Variants in PLCB2 observed in about 807,000 individuals in gnomAD.
PLCB2 encodes 1-phosphatidylinositol 4,5-bisphosphate phosphodiesterase beta-2.
Under a neutral mutation model 141.7 loss-of-function variants are expected in PLCB2, and 115 were observed. That is an observed-to-expected ratio of 0.81 (90% confidence interval 0.70 to 0.95). The LOEUF (loss-of-function observed/expected upper bound fraction) is 0.95. PLCB2 is among the 40% of genes least tolerant of loss of function. PLCB2 has a pLI of 0.00. For synonymous variants in PLCB2, 603 were observed against 595.6 expected, an observed-to-expected ratio of 1.01 and a Z score of -0.18; for missense variants, 1,403 against 1,541.1, an observed-to-expected ratio of 0.91 and a Z score of 1.50.
At position 40,305,217 on chromosome 15, in the gene PLCB2, T is replaced by C. The variant is rs546827130; in HGVS notation, c.85-1139A>G. ...TTTTTACCTTAAGTTCTGGGATACA[T>C]GTGCAGAATGTGTGGGTTTGTTACA... On this transcript the variant is annotated intron_variant, in intron 1 of 31. Transcript: ENST00000260402. Among the ~76,000 whole-genome samples, 3 of 149,280 alleles carry C rather than the reference T, an allele frequency of 2.0e-5. No individual in the cohort carries two copies. The East Asian group carries it at 5.9e-4, about 29-fold the overall frequency.
chr15:40,307,575 C>T lies in PLCB2; in HGVS notation c.84+14G>A, dbSNP rs932228108. 2 of 1,540,288 alleles carry T rather than the reference C, an allele frequency of 1.3e-6. No individual in the cohort carries two copies. Among genetic ancestry groups the T allele is most frequent in the Non-Finnish European group, 1.8e-6 (2 of 1,126,514 alleles). ...ACCTGGTGCTCCAGCAGCTGAGGCC[C>T]CTGCCCCACTTACATCATCCCATTT... On this transcript the variant is annotated intron_variant, in intron 1 of 31. Transcript: ENST00000260402.
chr15:40,286,587 G>A (rs1431489747), downstream of PLCB2, among the ~76,000 whole-genome samples: 1 of 152,168 alleles, frequency 6.6e-6, no homozygotes, highest in Admixed American at 6.5e-5. Flanking sequence ...ACTGAGGCAT[G>A]ATGCGTGAAG....
chr15:40,300,105 A>C lies in PLCB2; in HGVS notation c.583-877T>G, dbSNP rs1277160914. Among the ~76,000 whole-genome samples, 4 of 152,346 alleles carry C rather than the reference A, an allele frequency of 2.6e-5. No individual in the cohort carries two copies. The East Asian group carries it at 7.7e-4, about 29-fold the overall frequency. On this transcript the variant is annotated intron_variant, in intron 7 of 31. Coordinates refer to ENST00000260402, the MANE Select transcript of PLCB2 (RefSeq NM_004573.3). ...CGAGGAGGGTGGATCACCTGAGGTC[A>C]GGAGTTCGAGACCAGCCTGGCCAAC... is the stretch of plus-strand genomic sequence containing the variant.
Position 40,292,335 on chromosome 15 carries a change from C to T in PLCB2, c.2431+4G>A, listed in dbSNP as rs1243378473. 1.3e-6 allele frequency: 2 copies of T among 1,597,682 alleles called. No homozygotes were observed. The highest frequency in any genetic ancestry group is 1.1e-5 in the South Asian group (1 of 90,620). ...GAGGCTCCTGGCATGCCATGGGCTC[C>T]TACCTGCCCAAGCACCAGGTATGTA... is the stretch of plus-strand genomic sequence containing the variant. On this transcript the variant is annotated splice_donor_region_variant and intron_variant, in intron 22 of 31. Coordinates refer to ENST00000260402, the MANE Select transcript of PLCB2 (RefSeq NM_004573.3).
chr15:40,303,772 T>C, intron 2 of PLCB2: 1 of 528,352 alleles, frequency 1.9e-6, no homozygotes, highest in Non-Finnish European at 3.4e-6. Flanking sequence ...TCTCTCTCTC[T>C]CCCCAAGGGA....
intron 4 of PLCB2, 57 bp from the exon 5 acceptor site, chr15:40,302,406 G>A: frequency 1.9e-6 from 3 of 1,612,458 alleles, no homozygotes; most frequent in African/African-American, 1.3e-5. Flanking sequence ...CCAGGCCTGT[G>A]TCTCTCAGGA....
chr15:40,302,299 G>C lies in PLCB2; in HGVS notation c.423C>G (p.Asn141Lys). ...LALVKHPLTA[N>K]ASRSTFLDKI... is the part of the protein sequence containing the mutation. ...TGTCCAGGAAGGTGCTGCGGGAGGC[G>C]TTGGCCGTCAGCGGATGTTTGACTA... is the stretch of plus-strand genomic sequence containing the variant. The change falls in exon 5 of 32, where the codon AAC (asparagine) becomes AAG (lysine). Residue 141 changes from asparagine (N) to lysine (K), a missense_variant. By Grantham distance (94) the Asn-to-Lys change is moderately conservative. Around this residue, in one of 4 missense-constraint regions of PLCB2, gnomAD observed 975 missense variants for 1,141.1 expected, o/e 0.85. Coordinates refer to ENST00000260402, the MANE Select transcript of PLCB2 (RefSeq NM_004573.3). 6.2e-7 allele frequency: 1 copy of C among 1,614,132 alleles called. No individual in the cohort carries two copies. The highest frequency in any genetic ancestry group is 8.5e-7 in the Non-Finnish European group (1 of 1,180,010).
Position 40,293,641 on chromosome 15 carries a change from C to T in PLCB2, c.2145G>A (p.Lys715=). Reference sequence around the variant, plus strand: ...GTGACAGCTTAGTTCGATAGCGCCTCTTGGGGTCCCCAGGAAGGCCAAACA... The same window carrying T: ...GTGACAGCTTAGTTCGATAGCGCCTTTTGGGGTCCCCAGGAAGGCCAAACA... ...VELFGLPGDP[K]RRYRTKLSPS... is the part of the protein sequence containing the mutation. Residue 715 remains lysine, a synonymous_variant, in exon 20 of 32, where the codon AAG becomes AAA. Transcript: ENST00000260402. 6.2e-7 allele frequency: 1 copy of T among 1,614,128 alleles called. No individual in the cohort carries two copies. The highest frequency in any genetic ancestry group is 8.5e-7 in the Non-Finnish European group (1 of 1,179,988).
chr15:40,284,338 G>C (rs1385829011), downstream of PLCB2: 1 of 330,800 alleles, frequency 3.0e-6, no homozygotes, highest in Non-Finnish European at 6.0e-6. Context: ...ACAGAATCTC[G>C]GTTCTGGGTG....
chr15:40,291,629 T>TCCCTGG lies in PLCB2; in HGVS notation c.2618_2623dup (p.Ala873_Arg874dup). 6.2e-7 allele frequency: 1 copy of TCCCTGG among 1,613,346 alleles called. No homozygotes were observed. Among genetic ancestry groups the TCCCTGG allele is most frequent in the Non-Finnish European group, 8.5e-7 (1 of 1,179,888 alleles). On this transcript the variant is annotated inframe_insertion, in exon 25 of 32. Transcript: ENST00000260402. ...ACCCGCAGCTTCTTTCATAGCCTCTTCCCTGGCCCCGGCCCTGGCTGCTGC... is the reference window on the plus strand; with the variant it reads ...ACCCGCAGCTTCTTTCATAGCCTCTTCCCTGGCCCTGGCCCCGGCCCTGGCTGCTGC...
intron 31 of PLCB2, 32 bp from the exon 32 acceptor site, chr15:40,288,950 C>G: frequency 6.2e-7 from 1 of 1,606,820 alleles, no homozygotes; most frequent in South Asian, 1.1e-5. Context: ...CTGCCTGGCT[C>G]AGGAGGGGCC....
At position 40,290,627 on chromosome 15, in the gene PLCB2, C is replaced by A. The variant is rs1422813274; in HGVS notation, c.3159G>T (p.Glu1053Asp). ...MKKKLETKRL[E>D]RIQGMTKVTT... is the part of the protein sequence containing the mutation. ...TGACTTTGGTCATGCCCTGGATCCG[C>A]TCCAGTCTCTTTGTCTCCAGCTTTT... The change falls in exon 29 of 32, where the codon GAG becomes GAT. Residue 1053 changes from glutamate to aspartate, a missense_variant. Glu to Asp is a conservative substitution (Grantham distance 45, BLOSUM62 2). Around this residue, in one of 4 missense-constraint regions of PLCB2, gnomAD observed 290 missense variants for 245.9 expected, o/e 1.18. Transcript: ENST00000260402. 1 of 1,614,068 alleles carries A rather than the reference C, an allele frequency of 6.2e-7. No homozygotes were observed. Among genetic ancestry groups the A allele is most frequent in the African/African-American group, 1.3e-5 (1 of 74,934 alleles).
rs895018139 is a variant in PLCB2, at chr15:40,298,711, G to T, written c.851-3C>A. ...CATGCCTTCAGGTGACAGCTGGCCT[G>T]GGGGACAGGAGATAGCTGTCAGGCT... On this transcript the variant is annotated splice_polypyrimidine_tract_variant and splice_region_variant and intron_variant, in intron 9 of 31. Coordinates refer to ENST00000260402, the MANE Select transcript of PLCB2 (RefSeq NM_004573.3). 6.2e-7 allele frequency: 1 copy of T among 1,614,002 alleles called. No homozygotes were observed. Among genetic ancestry groups the T allele is most frequent in the Non-Finnish European group, 8.5e-7 (1 of 1,179,904 alleles).
chr15:40,298,757 G>T, intron 9 of PLCB2, 41 bp downstream of exon 9: 1 of 1,611,664 alleles, frequency 6.2e-7, no homozygotes, highest in East Asian at 2.2e-5. Flanking sequence ...TGCCAAGGCA[G>T]GACAGGACCA....
At chr15:40,285,492 T>C (rs2039598211), downstream of PLCB2, 2 of 976,932 alleles carry the variant, frequency 2.0e-6, no homozygotes, top group African/African-American at 3.5e-5. Context: ...TTTATTTTGT[T>C]TTGTTTTGTT....
chr15:40,297,760 A>G lies in PLCB2; in HGVS notation c.1238+117T>C. On this transcript the variant is annotated intron_variant, in intron 12 of 31. Transcript: ENST00000260402. This position sits in a 1 kb window ranked among gnomAD's most constrained non-coding sequence, Gnocchi z 4.2. ...ATGAGGCCTTAGGGTGATTATACTGAGACGTGGGAGAAGCTGTAGGCAATG... is the reference window on the plus strand; with the variant it reads ...ATGAGGCCTTAGGGTGATTATACTGGGACGTGGGAGAAGCTGTAGGCAATG... 1 of 956,444 alleles carries G rather than the reference A, an allele frequency of 1.0e-6. No individual in the cohort carries two copies. Among genetic ancestry groups the G allele is most frequent in the Non-Finnish European group, 1.7e-6 (1 of 603,632 alleles). 59.2% of individuals were successfully genotyped at this position (956,444 alleles called of 1,614,324 possible). A position where few individuals can be genotyped will look rare whatever the true frequency, so the allele number is the denominator to read the frequency against.
chr15:40,305,175 C>CTTTTTTT (rs11320842), intron 1 of PLCB2, among the ~76,000 whole-genome samples: 1 of 134,780 alleles, frequency 7.4e-6, no homozygotes. Context: ...TTTGTGATCT[C>CTTTTTTT]TTTTTTTTTT....
At position 40,290,587 on chromosome 15, in the gene PLCB2, C is replaced by T. The variant is rs1402719071; in HGVS notation, c.3199G>A (p.Ala1067Thr). The change falls in exon 29 of 32, where the codon GCC becomes ACC. Residue 1067 changes from alanine to threonine, a missense_variant. By Grantham distance (58) the Ala-to-Thr change is moderately conservative (BLOSUM62 0). Around this residue, in one of 4 missense-constraint regions of PLCB2, gnomAD observed 6 missense variants for 21.7 expected, o/e 0.28. Coordinates refer to ENST00000260402, the MANE Select transcript of PLCB2 (RefSeq NM_004573.3). ...CCCTCCAGGGCTCACCTCTCCTGGG[C>T]CATCTTGTCTGTGGTGACTTTGGTC... ...GMTKVTTDKM[A>T]QERLKREINN... The T allele has an allele frequency of 6.2e-7, 1 of 1,613,638 alleles. No individual in the cohort carries two copies.
In PLCB2 at chr15:40,291,916, G is replaced by A. The variant is rs1182439418; in HGVS notation, c.2535C>T (p.Phe845=). ...GGCTGGCAACTGGACTCGCCAGTGG[G>A]AAGGGCTTCTGTGTAGGGAGAGCAG... The part of the protein sequence containing the change: ...EAMGGLPEKP[F]PLASPVASQV... The change falls in exon 24 of 32, where the codon TTC becomes TTT. Residue 845 remains phenylalanine (F), a synonymous_variant. Coordinates refer to ENST00000260402, the MANE Select transcript of PLCB2 (RefSeq NM_004573.3). The A allele has an allele frequency of 6.2e-7, 1 of 1,614,164 alleles. No homozygotes were observed. The highest frequency in any genetic ancestry group is 8.5e-7 in the Non-Finnish European group (1 of 1,179,994).
Sources: allele counts gnomAD v4.1 joint callset (sites outside exome capture counted in the v4.1 genomes callset), GRCh38; gene constraint gnomAD v4.1.1; regional missense constraint gnomAD v4.1.1; non-coding constraint Gnocchi (gnomAD v3.1); transcripts MANE v1.5; gene names NCBI Gene and HGNC (gene_info 2026-07-23, HGNC 2026-07-21).